C9: variants seen among roughly 807,000 people sequenced by gnomAD.
C9 encodes the protein complement component C9.
In C9, 63 loss-of-function variants were observed where a neutral mutation model predicts 65.4. That is an observed-to-expected ratio of 0.96 (90% CI 0.79 to 1.19). The LOEUF (loss-of-function observed/expected upper bound fraction) is 1.19. C9 is among the 50% of genes most tolerant of loss of function. The pLI, the probability that C9 is intolerant of heterozygous loss-of-function variation, is 0.00. For missense variants in C9, 744 were observed against 670.1 expected, an observed-to-expected ratio of 1.11 and a Z score of -1.22; for synonymous variants, 229 against 227.9, an observed-to-expected ratio of 1.00 and a Z score of -0.04.
chr5:39,342,076 G>A lies in C9; in HGVS notation c.183+15C>T, dbSNP rs1754097003. 2.9e-6 allele frequency: 4 copies of A among 1,380,828 alleles called. No homozygotes were observed. In the South Asian group the frequency reaches 3.5e-5, roughly 12 times the overall value. The allele number at this position is 1,380,828 out of a possible 1,614,324, so 85.5% of individuals were successfully genotyped here. ...CATTTGGGGAGGTCAGTGGGGAAGGGAGATGAACACTTACCATTTGTCTGA... is the reference window on the plus strand; with the variant it reads ...CATTTGGGGAGGTCAGTGGGGAAGGAAGATGAACACTTACCATTTGTCTGA... On this transcript the variant is annotated intron_variant, in intron 2 of 10. Coordinates refer to ENST00000263408, the MANE Select transcript of C9 (RefSeq NM_001737.5).
At chr5:39,315,022 A>G (rs1234862830) in intron 6 of C9, among the ~76,000 whole-genome samples, 1 of 152,240 alleles carries the variant, frequency 6.6e-6, no homozygotes, top group African/African-American at 2.4e-5. Context: ...AATGATTTAA[A>G]GAATTTTCCA....
At position 39,331,758 on chromosome 5, in the gene C9, T is replaced by C. The variant is rs1561346343; in HGVS notation, c.533A>G (p.Asn178Ser). 2 of 1,612,444 alleles carry C rather than the reference T, an allele frequency of 1.2e-6. No homozygotes were observed. Among genetic ancestry groups the C allele is most frequent in the Non-Finnish European group, 1.7e-6 (2 of 1,178,482 alleles). ...LSTPFDNEFY[N>S]GLCNRDRDGN... is the part of the protein sequence containing the mutation. ...ATCCCGATCCCGGTTACAGAGTCCA[T>C]TGTAGAACTCATTGTCAAAAGGTGT... The change falls in exon 5 of 11, where the codon AAT becomes AGT. Residue 178 changes from asparagine (N) to serine (S), a missense_variant. Physicochemically the swap from Asn to Ser is conservative, Grantham distance 46 (BLOSUM62 1). Coordinates refer to ENST00000263408, the MANE Select transcript of C9 (RefSeq NM_001737.5).
chr5:39,326,092 A>G (rs1161501443), intron 5 of C9, among the ~76,000 whole-genome samples: 1 of 152,092 alleles, frequency 6.6e-6, no homozygotes, highest in Admixed American at 6.6e-5. Context: ...TAGAAAATTT[A>G]GTTTGTGATA....
intron 4 of C9, among the ~76,000 whole-genome samples, chr5:39,334,345 C>T (rs961139309): frequency 5.3e-5 from 8 of 150,992 alleles, no homozygotes; most frequent in African/African-American, 2.0e-4. Context: ...CCGGCCGCCC[C>T]ATCTGAGAAG....
chr5:39,315,720 G>A, intron 6 of C9, 55 bp downstream of exon 6: 4 of 1,282,406 alleles, frequency 3.1e-6, no homozygotes, highest in Non-Finnish European at 4.4e-6. Flanking sequence ...AATACTTAAA[G>A]AGTCTGGGTA....
chr5:39,360,157 G>T (rs1754489085), intron 1 of C9, among the ~76,000 whole-genome samples: 1 of 152,126 alleles, frequency 6.6e-6, no homozygotes, highest in Non-Finnish European at 1.5e-5. Context: ...TTAAATAATA[G>T]TTGCTAACAT....
At chr5:39,297,782 C>G (rs1415120265) in intron 9 of C9, among the ~76,000 whole-genome samples, 1 of 151,646 alleles carries the variant, frequency 6.6e-6, no homozygotes, top group Non-Finnish European at 1.5e-5. Flanking sequence ...GTTCTGCTCT[C>G]TATAATTGAA....
chr5:39,295,121 A>C (rs1051168730), intron 9 of C9, among the ~76,000 whole-genome samples: 6 of 151,888 alleles, frequency 4.0e-5, no homozygotes, highest in African/African-American at 1.4e-4. Context: ...AATGAGAAAA[A>C]GCAGAAAGCT....
At chr5:39,290,070 G>A (rs1327614606) in intron 9 of C9, among the ~76,000 whole-genome samples, 3 of 151,852 alleles carry the variant, frequency 2.0e-5, no homozygotes, top group Non-Finnish European at 2.9e-5. Flanking sequence ...ATACTGAGCT[G>A]AGATTTGAAG....
At chr5:39,346,624 C>T (rs902920175) in intron 1 of C9, among the ~76,000 whole-genome samples, 1 of 152,220 alleles carries the variant, frequency 6.6e-6, no homozygotes, top group African/African-American at 2.4e-5. Context: ...CTTTCTGAAA[C>T]TATTCCAATC....
chr5:39,317,612 T>G (rs577332930), intron 5 of C9, among the ~76,000 whole-genome samples: 11 of 152,196 alleles, frequency 7.2e-5, no homozygotes, highest in Non-Finnish European at 1.6e-4. Context: ...CCTTTTCCCA[T>G]TGCTTGTTTT....
intron 1 of C9, among the ~76,000 whole-genome samples, chr5:39,345,134 T>C (rs1486189307): frequency 6.6e-6 from 1 of 152,124 alleles, no homozygotes; most frequent in Admixed American, 6.6e-5. Flanking sequence ...AATAACCAGC[T>C]ATCATCATAA....
At chr5:39,359,100 G>GTATATATATA (rs1270604293) in intron 1 of C9, among the ~76,000 whole-genome samples, 11 of 87,792 alleles carry the variant, frequency 1.3e-4, no homozygotes, top group East Asian at 8.5e-4. Flanking sequence ...GTGTGTGTGT[G>GTATATATATA]TGTATATATA....
At chr5:39,344,425 A>C (rs1252667756) in intron 1 of C9, among the ~76,000 whole-genome samples, 1 of 152,250 alleles carries the variant, frequency 6.6e-6, no homozygotes, top group Non-Finnish European at 1.5e-5. Flanking sequence ...GGTATCAGTG[A>C]TTGAAGATCA....
chr5:39,285,942 A>T (rs938994741), intron 10 of C9, among the ~76,000 whole-genome samples: 1 of 152,124 alleles, frequency 6.6e-6, no homozygotes, highest in African/African-American at 2.4e-5. Flanking sequence ...AAACTAGAAC[A>T]TTCTATGTCA....
intron 6 of C9, among the ~76,000 whole-genome samples, 168 bp downstream of exon 6, chr5:39,315,607 C>A (rs1753555046): frequency 6.6e-6 from 1 of 152,156 alleles, no homozygotes; most frequent in African/African-American, 2.4e-5. Flanking sequence ...GCCAAAGATT[C>A]TATCAGACTT....
At chr5:39,304,131 T>C (rs956223939) in intron 9 of C9, among the ~76,000 whole-genome samples, 4 of 152,136 alleles carry the variant, frequency 2.6e-5, no homozygotes, top group Non-Finnish European at 5.9e-5. Context: ...CATTAGCGTA[T>C]GGTAAAATTG....
chr5:39,287,894 A>G (rs780780181), intron 10 of C9, among the ~76,000 whole-genome samples: 3 of 151,964 alleles, frequency 2.0e-5, no homozygotes, highest in Admixed American at 6.6e-5. Flanking sequence ...TATTTGGGTG[A>G]TGCGTACACC....
chr5:39,350,296 CAT>C (rs1291561529), intron 1 of C9, among the ~76,000 whole-genome samples: 1 of 152,186 alleles, frequency 6.6e-6, no homozygotes, highest in Non-Finnish European at 1.5e-5. Context: ...CCTCCTTGAA[CAT>C]GTGGGGATTA....
Sources: allele counts gnomAD v4.1 joint callset (sites outside exome capture counted in the v4.1 genomes callset), GRCh38; gene constraint gnomAD v4.1.1; transcripts MANE v1.5; gene names NCBI Gene and HGNC (gene_info 2026-07-23, HGNC 2026-07-21).